The following DNAH11 variants were observed in gnomAD, a reference collection of about 807,000 sequenced individuals.
The protein encoded by DNAH11 is axonemal beta dynein heavy chain 11.
In DNAH11, 442 loss-of-function variants were observed where a neutral mutation model predicts 526.0. That is an observed-to-expected ratio of 0.84 (90% CI 0.78 to 0.91). The LOEUF is 0.91. DNAH11 is among the 40% of genes least tolerant of loss of function. The pLI is 0.00. For missense variants in DNAH11, 6,989 were observed against 5,448.7 expected, an observed-to-expected ratio of 1.28 and a Z score of -8.90; for synonymous variants, 2,461 against 1,935.9, an observed-to-expected ratio of 1.27 and a Z score of -7.12.
Position 21,901,276 on chromosome 7 carries a change from G to A in DNAH11, c.*22G>A. On this transcript the variant is annotated 3_prime_UTR_variant, in exon 82 of 82. Transcript: ENST00000409508. Reference sequence around the variant, plus strand: ...GTAAGGTAACACTGGCATTCCTCTAGCCTCTGCTGGAGTGCAGTGAGGATT... The same window carrying A: ...GTAAGGTAACACTGGCATTCCTCTAACCTCTGCTGGAGTGCAGTGAGGATT... 6.3e-7 allele frequency: 1 copy of A among 1,592,500 alleles called. No homozygotes were observed. Among genetic ancestry groups the A allele is most frequent in the Non-Finnish European group, 8.6e-7 (1 of 1,168,394 alleles).
intron 65 of DNAH11, among the ~76,000 whole-genome samples, chr7:21,836,656 G>A (rs557413521): frequency 6.6e-6 from 1 of 152,238 alleles, no homozygotes; most frequent in African/African-American, 2.4e-5. Flanking sequence ...GAAAACATTA[G>A]GGGAATGCTT....
chr7:21,852,575 A>G lies in DNAH11; in HGVS notation c.11005A>G (p.Lys3669Glu). Residue 3669 changes from lysine to glutamate, a missense_variant, in exon 67 of 82, where the codon AAA becomes GAA. Lys to Glu is a moderately conservative substitution (Grantham distance 56). Coordinates refer to ENST00000409508, the MANE Select transcript of DNAH11 (RefSeq NM_001277115.2). ...AAEGSFLDDTKLVERLEATKT... is the reference protein window; with the variant it reads ...AAEGSFLDDTELVERLEATKT... ...AGAGGGAAGCTTTCTGGATGACACC[A>G]AACTGGTAGAGAGATTGGAGGCAAC... 1 of 1,611,590 alleles carries G rather than the reference A, an allele frequency of 6.2e-7. No individual in the cohort carries two copies.
intron 66 of DNAH11, among the ~76,000 whole-genome samples, chr7:21,846,463 T>G (rs925332816): frequency 1.3e-5 from 2 of 152,192 alleles, no homozygotes; most frequent in African/African-American, 2.4e-5. Flanking sequence ...CAAATGTTTT[T>G]TCTGCATTTA....
At chr7:21,885,358 G>T (rs1411161414) in intron 76 of DNAH11, among the ~76,000 whole-genome samples, 2 of 150,572 alleles carry the variant, frequency 1.3e-5, no homozygotes, top group East Asian at 2.0e-4. Context: ...AAATAAGTCA[G>T]ACGCAGAAGG....
At chr7:21,788,594 T>A (rs1788294557) in intron 60 of DNAH11, among the ~76,000 whole-genome samples, 1 of 152,076 alleles carries the variant, frequency 6.6e-6, no homozygotes, top group South Asian at 2.1e-4. Flanking sequence ...AGAAAAAAAA[T>A]TGATCCACCT....
intron 48 of DNAH11, among the ~76,000 whole-genome samples, chr7:21,740,294 G>A (rs191823786): frequency 1.7e-4 from 26 of 152,148 alleles, no homozygotes; most frequent in Admixed American, 4.6e-4. Flanking sequence ...AACTACATAT[G>A]TAATGTTGGG....
At chr7:21,817,505 A>AC (rs948187380) in intron 64 of DNAH11, among the ~76,000 whole-genome samples, 1 of 125,638 alleles carries the variant, frequency 8.0e-6, no homozygotes, top group Non-Finnish European at 1.6e-5. Flanking sequence ...ACATAGTGAG[A>AC]CCCCCATCTC....
At chr7:21,549,450 C>T (rs1782934683) in intron 2 of DNAH11, among the ~76,000 whole-genome samples, 1 of 152,018 alleles carries the variant, frequency 6.6e-6, no homozygotes, top group Non-Finnish European at 1.5e-5. Flanking sequence ...ATTTGGTGAA[C>T]TAAAGCGTTT....
intron 31 of DNAH11, 107 bp downstream of exon 31, chr7:21,681,784 T>C (rs1349313969): frequency 1.5e-6 from 2 of 1,361,404 alleles, no homozygotes; most frequent in African/African-American, 2.9e-5. Context: ...AGTTTGTATG[T>C]TTTAATTAGT....
At position 21,900,240 on chromosome 7, in the gene DNAH11, T is replaced by TTATC. The variant is rs1171470065; in HGVS notation, c.13303+122_13303+125dup. ...TCACACAGTAACCTTATGCTAGTCA[T>TTATC]TATCTCATTTCTTCCTCTTAAATAA... On this transcript the variant is annotated intron_variant, in intron 81 of 81. Transcript: ENST00000409508. The TTATC allele has an allele frequency of 5.4e-6, 6 of 1,103,302 alleles. No homozygotes were observed. The East Asian group carries it at 1.6e-4, about 30-fold the overall frequency. The allele number at this position is 1,103,302 out of a possible 1,614,324, so 68.3% of individuals were successfully genotyped here.
intron 35 of DNAH11, among the ~76,000 whole-genome samples, chr7:21,697,272 T>A (rs1177511219): frequency 1.3e-5 from 2 of 152,088 alleles, no homozygotes; most frequent in African/African-American, 4.8e-5. Flanking sequence ...GGAGAGGGAC[T>A]TTTTGGAAGT....
At chr7:21,691,101 A>G (rs1405099383) in intron 35 of DNAH11, among the ~76,000 whole-genome samples, 3 of 152,068 alleles carry the variant, frequency 2.0e-5, no homozygotes, top group Non-Finnish European at 4.4e-5. Flanking sequence ...GTTACGTGGT[A>G]TATTTGCATA....
intron 63 of DNAH11, 96 bp downstream of exon 63, chr7:21,808,145 G>C (rs1478808688): frequency 2.9e-6 from 3 of 1,031,524 alleles, no homozygotes; most frequent in Non-Finnish European, 3.9e-6. Flanking sequence ...TTGGACGTCT[G>C]TAATGAGAAC....
chr7:21,559,888 A>G lies in DNAH11; in HGVS notation c.882+96A>G. On this transcript the variant is annotated intron_variant, in intron 4 of 81. Transcript: ENST00000409508. Reference sequence around the variant, plus strand: ...TAAAGATTTAACACACTGTCTTTGTATAATTTACTGGTCTGCCCTCTTTTC... The same window carrying G: ...TAAAGATTTAACACACTGTCTTTGTGTAATTTACTGGTCTGCCCTCTTTTC... 3 of 1,048,418 alleles carry G rather than the reference A, an allele frequency of 2.9e-6. No individual in the cohort carries two copies. The East Asian group carries it at 7.9e-5, about 28-fold the overall frequency. 64.9% of individuals were successfully genotyped at this position (1,048,418 alleles called of 1,614,324 possible). A position where few individuals can be genotyped will look rare whatever the true frequency, so the allele number is the denominator to read the frequency against.
At chr7:21,595,078 A>C (rs1784816839) in intron 14 of DNAH11, among the ~76,000 whole-genome samples, 1 of 152,134 alleles carries the variant, frequency 6.6e-6, no homozygotes, top group African/African-American at 2.4e-5. Context: ...AAATACTCTA[A>C]ACTGAGTAGC....
chr7:21,852,327 A>C, intron 66 of DNAH11, 140 bp from the exon 67 acceptor site: 1 of 755,426 alleles, frequency 1.3e-6, no homozygotes, highest in South Asian at 2.4e-5. Flanking sequence ...GAATCGCTTT[A>C]ACCCAGGAGG....
intron 54 of DNAH11, among the ~76,000 whole-genome samples, chr7:21,752,381 C>T (rs1358699173): frequency 1.3e-5 from 2 of 152,108 alleles, no homozygotes; most frequent in African/African-American, 2.4e-5. Context: ...AGCTAATATC[C>T]AGTATGGCAG....
At chr7:21,631,931 T>C (rs1410367238) in intron 25 of DNAH11, among the ~76,000 whole-genome samples, 1 of 152,236 alleles carries the variant, frequency 6.6e-6, no homozygotes, top group African/African-American at 2.4e-5. Context: ...TGCACTGCCA[T>C]AGCAGAGGTT....
intron 54 of DNAH11, among the ~76,000 whole-genome samples, chr7:21,756,264 C>T (rs1027690295): frequency 2.6e-5 from 4 of 151,880 alleles, no homozygotes; most frequent in Non-Finnish European, 5.9e-5. Flanking sequence ...CCCTCAACAC[C>T]GTTTATTATA....
Sources: allele counts gnomAD v4.1 joint callset (sites outside exome capture counted in the v4.1 genomes callset), GRCh38; gene constraint gnomAD v4.1.1; transcripts MANE v1.5; gene names NCBI Gene and HGNC (gene_info 2026-07-23, HGNC 2026-07-21).